IGFN1: variants seen among roughly 807,000 people sequenced by gnomAD.
The protein encoded by IGFN1 is immunoglobulin-like and fibronectin type III domain-containing protein 1.
In IGFN1, 253 loss-of-function variants were observed where a neutral mutation model predicts 289.5. That is an observed-to-expected ratio of 0.87 (90% CI 0.79 to 0.97). The LOEUF (loss-of-function observed/expected upper bound fraction) is 0.97, where lower values mean the gene tolerates loss of function less well. IGFN1 is among the 50% of genes least tolerant of loss of function. IGFN1 has a pLI of 0.00. For missense variants in IGFN1, 4,470 were observed against 4,686.1 expected, an observed-to-expected ratio of 0.95 and a Z score of 1.35; for synonymous variants, 1,706 against 1,788.5, an observed-to-expected ratio of 0.95 and a Z score of 1.16.
Position 201,208,348 on chromosome 1 carries a change from G to A in IGFN1, c.3455G>A (p.Gly1152Glu), listed in dbSNP as rs149746276. 7.5e-6 allele frequency: 11 copies of A among 1,475,110 alleles called. No homozygotes were observed. The highest frequency in any genetic ancestry group is 8.0e-6 in the Non-Finnish European group (9 of 1,123,278). The allele number at this position is 1,475,110 out of a possible 1,614,324, so 91.4% of individuals were successfully genotyped here. Residue 1152 changes from glycine (G) to glutamate (E), a missense_variant, in exon 12 of 24, where the codon GGA becomes GAA. Physicochemically the swap from Gly to Glu is moderately conservative, Grantham distance 98. Coordinates refer to ENST00000335211, the MANE Select transcript of IGFN1 (RefSeq NM_001164586.2). ...GGCTCTGGGGGTCCAGGAGCCATGG[G>A]ACCAGGGTCTCTGAGGGCAGGAAGC... The part of the protein sequence containing the change: ...EDGSGGPGAM[G>E]PGSLRAGSKV...
chr1:201,209,161 G>T lies in IGFN1; in HGVS notation c.4268G>T (p.Gly1423Val), dbSNP rs1368304947. ...GGAGGTTATGGGGAAATGGGGTCAG[G>T]TTATAGGGAGGATTTGGGGGCTCCT... is the stretch of plus-strand genomic sequence containing the variant. ...GIGGYGEMGS[G>V]YREDLGAPEG... Residue 1423 changes from glycine (G) to valine (V), a missense_variant, in exon 12 of 24, where the codon GGT (glycine) becomes GTT (valine). Around this residue, in one of 8 missense-constraint regions of IGFN1, gnomAD observed 2,011 missense variants for 1,953.4 expected, o/e 1.03. Coordinates refer to ENST00000335211, the MANE Select transcript of IGFN1 (RefSeq NM_001164586.2). 2 of 1,515,600 alleles carry T rather than the reference G, an allele frequency of 1.3e-6. No individual in the cohort carries two copies. The highest frequency in any genetic ancestry group is 1.3e-5 in the South Asian group (1 of 79,190). The allele number at this position is 1,515,600 out of a possible 1,614,324, so 93.9% of individuals were successfully genotyped here.
At chr1:201,226,181 G>A in intron 22 of IGFN1, 58 bp downstream of exon 22, 1 of 1,479,904 alleles carries the variant, frequency 6.8e-7, no homozygotes, top group Non-Finnish European at 9.0e-7. Flanking sequence ...CTGCAATGCA[G>A]TGGGATGCAC....
At chr1:201,215,303 G>T in intron 14 of IGFN1, 149 bp downstream of exon 14, 5 of 999,828 alleles carry the variant, frequency 5.0e-6, no homozygotes, top group Non-Finnish European at 7.2e-6. Flanking sequence ...TTAAAAAGCC[G>T]ACTCATACCC....
rs12466 is a variant in IGFN1 at position 201,228,680 on chromosome 1, T to A, written c.*281T>A. On this transcript the variant is annotated 3_prime_UTR_variant, in exon 24 of 24. Coordinates refer to ENST00000335211, the MANE Select transcript of IGFN1 (RefSeq NM_001164586.2). ...CCATATGGGTTTCTTTCTTCTTCGCTTCAGGAGATCCAGAGGGCACCTGCC... is the reference window on the plus strand; with the variant it reads ...CCATATGGGTTTCTTTCTTCTTCGCATCAGGAGATCCAGAGGGCACCTGCC... The A allele has an allele frequency of 0.39, 194,173 of 493,734 alleles. 40,247 individuals are homozygous for A. The highest frequency in any genetic ancestry group is 0.55 in the East Asian group (15,389 of 27,730). 30.6% of individuals were successfully genotyped at this position (493,734 alleles called of 1,614,324 possible).
chr1:201,207,871 T>G lies in IGFN1; in HGVS notation c.2978T>G (p.Val993Gly). 2.6e-6 allele frequency: 4 copies of G among 1,535,774 alleles called. No individual in the cohort carries two copies. The highest frequency in any genetic ancestry group is 3.5e-6 in the Non-Finnish European group (4 of 1,146,150). ...MGSGHGAGCR[V>G]SPRAPAGVES... ...TCCGGCCATGGTGCTGGTTGTAGAG[T>G]TTCCCCTAGGGCACCTGCGGGAGTG... The change falls in exon 12 of 24, where the codon GTT becomes GGT. Residue 993 changes from valine to glycine, a missense_variant. Val to Gly is a moderately radical substitution (Grantham distance 109, BLOSUM62 -3). This residue lies in a region of IGFN1 where 2,011 missense variants were observed against 1,953.4 expected (regional missense o/e 1.03). Transcript: ENST00000335211.
intron 19 of IGFN1, chr1:201,222,474 A>T (rs1462815135): frequency 1.0e-5 from 4 of 390,928 alleles, no homozygotes; most frequent in African/African-American, 8.2e-5. Flanking sequence ...CCTCTGTTCC[A>T]GCCTAGTCCA....
Position 201,228,392 on chromosome 1 carries a change from G to A in IGFN1, c.11120G>A (p.Ser3707Asn). The part of the protein sequence containing the change: ...STATLIVIEP[S>N]T ...AATATCCTGTGTCTTGCAGAACCCA[G>A]CACCTAGCCTCACCTCACCCTGGGA... Residue 3707 changes from serine (S) to asparagine (N), a missense_variant, in exon 24 of 24, where the codon AGC becomes AAC. Physicochemically the swap from Ser to Asn is conservative, Grantham distance 46. Coordinates refer to ENST00000335211, the MANE Select transcript of IGFN1 (RefSeq NM_001164586.2). 1 of 1,614,026 alleles carries A rather than the reference G, an allele frequency of 6.2e-7. No homozygotes were observed. The highest frequency in any genetic ancestry group is 2.2e-5 in the East Asian group (1 of 44,872).
Position 201,225,895 on chromosome 1 carries a change from C to T in IGFN1, c.10558C>T (p.Pro3520Ser). Residue 3520 changes from proline to serine, a missense_variant, in exon 22 of 24, where the codon CCC (proline) becomes TCC (serine). Pro to Ser is a moderately conservative substitution (Grantham distance 74). Coordinates refer to ENST00000335211, the MANE Select transcript of IGFN1 (RefSeq NM_001164586.2). ...TGGGACGGTGACGGCCGAGTGGGAA[C>T]CCTCTCCTGACGAGGCCCAGGATGT... ...VPGTVTAEWE[P>S]SPDEAQDVPL... 1 of 1,612,538 alleles carries T rather than the reference C, an allele frequency of 6.2e-7. No individual in the cohort carries two copies. Among genetic ancestry groups the T allele is most frequent in the Non-Finnish European group, 8.5e-7 (1 of 1,179,420 alleles).
At position 201,212,025 on chromosome 1, in the gene IGFN1, G is replaced by A; in HGVS notation, c.7132G>A (p.Ala2378Thr). Residue 2378 changes from alanine to threonine, a missense_variant, in exon 12 of 24, where the codon GCT becomes ACT. Ala to Thr is a moderately conservative substitution (Grantham distance 58). Around this residue, in one of 8 missense-constraint regions of IGFN1, gnomAD observed 2,218 missense variants for 2,114.1 expected, o/e 1.05. Transcript: ENST00000335211. ...PGSLAGIGHE[A>T]GPRGHKAMGH... is the part of the protein sequence containing the mutation. ...CTCACTGGCTGGAATAGGACATGAG[G>A]CTGGACCCAGAGGCCATAAAGCCAT... 1 of 1,536,274 alleles carries A rather than the reference G, an allele frequency of 6.5e-7. No individual in the cohort carries two copies. The highest frequency in any genetic ancestry group is 8.7e-7 in the Non-Finnish European group (1 of 1,146,736).
In IGFN1 at chr1:201,218,549, G is replaced by A. The variant is rs147830798; in HGVS notation, c.9789G>A (p.Ala3263=). 5.6e-5 allele frequency: 90 copies of A among 1,613,334 alleles called. No individual in the cohort carries two copies. The African/African-American group carries it at 6.0e-4, about 11-fold the overall frequency. ...TCACAGAGAGGAGGTGGACGGTGGCGGACGTGCGGCAGGGCTGTCAGTATG... is the reference window on the plus strand; with the variant it reads ...TCACAGAGAGGAGGTGGACGGTGGCAGACGTGCGGCAGGGCTGTCAGTATG... ...QPVPERRWTV[A]DVRQGCQYEF... is the part of the protein sequence containing the mutation. The change falls in exon 18 of 24, where the codon GCG becomes GCA. Residue 3263 remains alanine (A), a synonymous_variant. Transcript: ENST00000335211.
rs1654123692 is a variant in IGFN1, at chr1:201,226,798, C to T, written c.10787-84C>T. On this transcript the variant is annotated intron_variant, in intron 22 of 23. Coordinates refer to ENST00000335211, the MANE Select transcript of IGFN1 (RefSeq NM_001164586.2). ...CCAGATAAGGCCTACATGGTAGCTT[C>T]ATGAACTCTTTACCCAGACCCGGGT... 24 of 1,080,314 alleles carry T rather than the reference C, an allele frequency of 2.2e-5. No individual in the cohort carries two copies. In the South Asian group the frequency reaches 3.7e-4, roughly 17 times the overall value. 66.9% of individuals were successfully genotyped at this position (1,080,314 alleles called of 1,614,324 possible). A position where few individuals can be genotyped will look rare whatever the true frequency, so the allele number is the denominator to read the frequency against.
At chr1:201,193,077 C>T (rs1442163534) in intron 1 of IGFN1, among the ~76,000 whole-genome samples, 170 bp from the exon 2 acceptor site, 1 of 152,050 alleles carries the variant, frequency 6.6e-6, no homozygotes, top group African/African-American at 2.4e-5. Flanking sequence ...TTGCTGGGGA[C>T]AGGGAATTGC....
At position 201,226,900 on chromosome 1, in the gene IGFN1, C is replaced by A; in HGVS notation, c.10805C>A (p.Ala3602Asp). 1 of 1,596,008 alleles carries A rather than the reference C, an allele frequency of 6.3e-7. No individual in the cohort carries two copies. The highest frequency in any genetic ancestry group is 1.7e-5 in the Admixed American group (1 of 58,710). Residue 3602 changes from alanine (A) to aspartate (D), a missense_variant, in exon 23 of 24, where the codon GCT (alanine) becomes GAT (aspartate). This residue lies in a region of IGFN1 where 2,218 missense variants were observed against 2,114.1 expected (regional missense o/e 1.05). Transcript: ENST00000335211. ...PRQRDRFTVK[A>D]PCYREPDLSQ... ...ACCACAGACAGGTTCACAGTGAAGG[C>A]TCCGTGCTACCGGGAGCCCGACCTG...
chr1:201,225,565 C>T (rs1654023611), intron 21 of IGFN1, among the ~76,000 whole-genome samples: 1 of 152,196 alleles, frequency 6.6e-6, no homozygotes, highest in Non-Finnish European at 1.5e-5. Context: ...TGCACTCCAG[C>T]CTGGGTGACA....
Position 201,225,806 on chromosome 1 carries a change from C to T in IGFN1, c.10487-18C>T. On this transcript the variant is annotated intron_variant, in intron 21 of 23. Coordinates refer to ENST00000335211, the MANE Select transcript of IGFN1 (RefSeq NM_001164586.2). Reference sequence around the variant, plus strand: ...TGGGTCCCCTCCACGTGACCTCCCTCTGCCGTCTCTCCTGAAGCATGCCCG... The same window carrying T: ...TGGGTCCCCTCCACGTGACCTCCCTTTGCCGTCTCTCCTGAAGCATGCCCG... 4 of 1,597,466 alleles carry T rather than the reference C, an allele frequency of 2.5e-6. No homozygotes were observed. Among genetic ancestry groups the T allele is most frequent in the Non-Finnish European group, 3.4e-6 (4 of 1,173,176 alleles).
Position 201,211,195 on chromosome 1 carries a change from T to C in IGFN1, c.6302T>C (p.Met2101Thr), listed in dbSNP as rs1457970868. ...GLGGSEEMESMDEAGYRKDLG... is the reference protein window; with the variant it reads ...GLGGSEEMESTDEAGYRKDLG... The stretch of plus-strand genomic sequence containing the variant: ...GGGGGTTCTGAAGAAATGGAGTCAA[T>C]GGATGAGGCAGGTTATAGGAAGGAT... Residue 2101 changes from methionine (M) to threonine (T), a missense_variant, in exon 12 of 24, where the codon ATG becomes ACG. By Grantham distance (81) the Met-to-Thr change is moderately conservative (BLOSUM62 -1). Coordinates refer to ENST00000335211, the MANE Select transcript of IGFN1 (RefSeq NM_001164586.2). The C allele has an allele frequency of 1.3e-6, 2 of 1,528,940 alleles. No homozygotes were observed. Among genetic ancestry groups the C allele is most frequent in the Non-Finnish European group, 1.7e-6 (2 of 1,144,316 alleles). The allele number at this position is 1,528,940 out of a possible 1,614,324, so 94.7% of individuals were successfully genotyped here. A position where few individuals can be genotyped will look rare whatever the true frequency, so the allele number is the denominator to read the frequency against.
chr1:201,218,557 G>A lies in IGFN1; in HGVS notation c.9797G>A (p.Arg3266Gln), dbSNP rs762635850. Residue 3266 changes from arginine to glutamine, a missense_variant, in exon 18 of 24, where the codon CGG becomes CAG. Physicochemically the swap from Arg to Gln is conservative, Grantham distance 43. This residue lies in a region of IGFN1 where 2,218 missense variants were observed against 2,114.1 expected (regional missense o/e 1.05). Transcript: ENST00000335211. ...PERRWTVADV[R>Q]QGCQYEFRVT... is the part of the protein sequence containing the mutation. The stretch of plus-strand genomic sequence containing the variant: ...AGGAGGTGGACGGTGGCGGACGTGC[G>A]GCAGGGCTGTCAGTATGAGTTCCGG... 2.0e-5 allele frequency: 32 copies of A among 1,613,404 alleles called. No homozygotes were observed. The highest frequency in any genetic ancestry group is 5.0e-5 in the Admixed American group (3 of 59,992).
At position 201,200,356 on chromosome 1, in the gene IGFN1, G is replaced by T; in HGVS notation, c.578G>T (p.Gly193Val). ...CLKYGIVDYR[G>V]MLRRLQEMKK... ...AAGTATGGCATCGTCGACTACCGTGGCATGTTGCGCAGGCTGCAGGAGATG... is the reference window on the plus strand; with the variant it reads ...AAGTATGGCATCGTCGACTACCGTGTCATGTTGCGCAGGCTGCAGGAGATG... Residue 193 changes from glycine to valine, a missense_variant, in exon 8 of 24, where the codon GGC (glycine) becomes GTC (valine). Physicochemically the swap from Gly to Val is moderately radical, Grantham distance 109 (BLOSUM62 -3). This residue lies in a region of IGFN1 where 2,011 missense variants were observed against 1,953.4 expected (regional missense o/e 1.03). Transcript: ENST00000335211. The T allele has an allele frequency of 6.4e-7, 1 of 1,551,796 alleles. No individual in the cohort carries two copies. The highest frequency in any genetic ancestry group is 8.7e-7 in the Non-Finnish European group (1 of 1,147,026).
At chr1:201,227,365 C>T (rs548707634) in intron 23 of IGFN1, among the ~76,000 whole-genome samples, 157 bp downstream of exon 23, 5 of 152,258 alleles carry the variant, frequency 3.3e-5, no homozygotes, top group African/African-American at 1.2e-4. Context: ...GCTATTTAAC[C>T]TACCAACACC....
Sources: gnomAD v4.1 joint callset for allele counts (sites outside exome capture counted in the v4.1 genomes callset) on GRCh38, gnomAD v4.1.1 for gene constraint, gnomAD v4.1.1 regional missense constraint, MANE v1.5 for transcripts, NCBI Gene and HGNC (gene_info 2026-07-23, HGNC 2026-07-21) for gene names.